The following LRCH1 variants were observed in gnomAD, a reference collection of about 807,000 sequenced individuals.
LRCH1 encodes the protein leucine rich repeats and calponin homology domain containing 1.
A neutral mutation model predicts 94.9 loss-of-function variants in LRCH1; 23 were observed. The observed-to-expected ratio is 0.24, with a 90% CI of 0.17 to 0.34. The LOEUF (loss-of-function observed/expected upper bound fraction) is 0.34. Among genes scored for constraint, LRCH1 ranks in the 10% least tolerant of loss-of-function variants. LRCH1 has a pLI of 1.00. For synonymous variants in LRCH1, 364 were observed against 354.9 expected, an observed-to-expected ratio of 1.03 and a Z score of -0.29; for missense variants, 790 against 945.9, an observed-to-expected ratio of 0.84 and a Z score of 2.16.
At chr13:46,558,208 A>C (rs894800841) in intron 1 of LRCH1, among the ~76,000 whole-genome samples, 4 of 152,176 alleles carry the variant, frequency 2.6e-5, no homozygotes, top group Non-Finnish European at 4.4e-5. Flanking sequence ...ATGCTAAATA[A>C]CAGTTCCAGG....
At chr13:46,558,598 A>AAAAAAAAAAAAAAAAAAAAAAAAAT (rs2050094662) in intron 1 of LRCH1, among the ~76,000 whole-genome samples, 1 of 143,678 alleles carries the variant, frequency 7.0e-6, no homozygotes, top group African/African-American at 2.6e-5. Flanking sequence ...AAAAAAAAAA[A>AAAAAAAAAAAAAAAAAAAAAAAAAT]GCTGGGTTCC....
chr13:46,574,968 G>A (rs946759413), intron 1 of LRCH1, among the ~76,000 whole-genome samples: 2 of 151,902 alleles, frequency 1.3e-5, no homozygotes, highest in Non-Finnish European at 2.9e-5. Flanking sequence ...TTTGGATGAG[G>A]TTTACATGAT....
intron 9 of LRCH1, among the ~76,000 whole-genome samples, chr13:46,695,286 T>C (rs1871124747): frequency 6.6e-6 from 1 of 152,262 alleles, no homozygotes; most frequent in African/African-American, 2.4e-5. Flanking sequence ...AACTCATTAG[T>C]GTGACCATTG....
intron 1 of LRCH1, among the ~76,000 whole-genome samples, chr13:46,599,447 C>T (rs1239464637): frequency 6.6e-6 from 1 of 152,158 alleles, no homozygotes. Flanking sequence ...GGTGGTTCCA[C>T]CATTTTACAT....
At chr13:46,575,506 A>G (rs2050293512) in intron 1 of LRCH1, among the ~76,000 whole-genome samples, 1 of 74,608 alleles carries the variant, frequency 1.3e-5, no homozygotes, top group African/African-American at 5.2e-5. Flanking sequence ...AAATCTGTGC[A>G]TGAATGTGTG....
chr13:46,575,510 A>ATGTG (rs59582784), intron 1 of LRCH1, among the ~76,000 whole-genome samples: 35,451 of 143,200 alleles, frequency 0.25, 4,443 homozygotes, highest in Middle Eastern at 0.38. Context: ...CTGTGCATGA[A>ATGTG]TGTGTGTGTG....
At chr13:46,682,395 A>G (rs1343231016) in intron 4 of LRCH1, among the ~76,000 whole-genome samples, 1 of 152,068 alleles carries the variant, frequency 6.6e-6, no homozygotes, top group Non-Finnish European at 1.5e-5. Flanking sequence ...TTACCCTTTT[A>G]AAGACCCTAT....
chr13:46,684,689 T>C (rs910851227), intron 4 of LRCH1, among the ~76,000 whole-genome samples: 1 of 152,210 alleles, frequency 6.6e-6, no homozygotes, highest in Admixed American at 6.5e-5. Flanking sequence ...GCTTTTCCTA[T>C]TGTTTCACTT....
At chr13:46,728,169 G>A (rs1872920797) in intron 17 of LRCH1, among the ~76,000 whole-genome samples, 2 of 151,680 alleles carry the variant, frequency 1.3e-5, no homozygotes, top group South Asian at 2.1e-4. Context: ...TCCCCACCTC[G>A]GCCTCTCAAA....
intron 1 of LRCH1, among the ~76,000 whole-genome samples, chr13:46,569,287 G>A (rs1429827498): frequency 6.6e-6 from 1 of 152,134 alleles, no homozygotes; most frequent in African/African-American, 2.4e-5. Flanking sequence ...TTGCAGACAC[G>A]ATCTTATTTC....
intron 1 of LRCH1, among the ~76,000 whole-genome samples, chr13:46,631,285 A>G (rs1245914884): frequency 6.6e-6 from 1 of 152,200 alleles, no homozygotes; most frequent in African/African-American, 2.4e-5. Context: ...TCTCTTTACA[A>G]CAAATCAACT....
At chr13:46,655,754 C>T (rs1397431598) in intron 2 of LRCH1, among the ~76,000 whole-genome samples, 1 of 152,214 alleles carries the variant, frequency 6.6e-6, no homozygotes, top group Non-Finnish European at 1.5e-5. Context: ...TGTTGTGAAT[C>T]TAAGAATAGG....
chr13:46,678,243 A>C (rs1257122737), intron 3 of LRCH1, among the ~76,000 whole-genome samples: 1 of 152,200 alleles, frequency 6.6e-6, no homozygotes, highest in Non-Finnish European at 1.5e-5. Context: ...TCAAAACAGG[A>C]GTATTTTATC....
chr13:46,728,703 A>G (rs945545903), intron 17 of LRCH1, 144 bp from the exon 18 acceptor site: 2 of 764,080 alleles, frequency 2.6e-6, no homozygotes, highest in East Asian at 2.8e-5. Context: ...AAAGAGTTAA[A>G]TAATGTCAGT....
chr13:46,724,715 C>T (rs7331562), intron 17 of LRCH1, among the ~76,000 whole-genome samples: 31,417 of 151,990 alleles, frequency 0.21, 3,419 homozygotes, highest in East Asian at 0.44. Context: ...GTATTAGCTA[C>T]TAAAGACAGC....
chr13:46,585,303 C>T (rs924375859), intron 1 of LRCH1, among the ~76,000 whole-genome samples: 8 of 152,274 alleles, frequency 5.3e-5, no homozygotes, highest in Non-Finnish European at 1.0e-4. Context: ...TAGAGCCGGG[C>T]GTGGTGGCTC....
chr13:46,582,149 CAAAA>C (rs11387752), intron 1 of LRCH1, among the ~76,000 whole-genome samples: 1 of 104,600 alleles, frequency 9.6e-6, no homozygotes, highest in Admixed American at 1.1e-4. Flanking sequence ...GACTCCATCT[CAAAA>C]AAAAAAAAAA....
At chr13:46,647,382 CT>C (rs936800914) in intron 1 of LRCH1, among the ~76,000 whole-genome samples, 26 of 151,954 alleles carry the variant, frequency 1.7e-4, no homozygotes, top group African/African-American at 5.8e-4. Context: ...GTGGTTGATC[CT>C]TTTTTTCATA....
chr13:46,589,936 G>A (rs1180977553), intron 1 of LRCH1, among the ~76,000 whole-genome samples: 1 of 147,236 alleles, frequency 6.8e-6, no homozygotes, highest in Non-Finnish European at 1.5e-5. Context: ...ACTTTAGAAA[G>A]AGACCAGGCC....
Sources: allele counts gnomAD v4.1 joint callset (sites outside exome capture counted in the v4.1 genomes callset), GRCh38; gene constraint gnomAD v4.1.1; transcripts MANE v1.5; gene names NCBI Gene and HGNC (gene_info 2026-07-23, HGNC 2026-07-21).